Variants in CACNA1C observed in about 807,000 individuals in gnomAD.
CACNA1C encodes voltage-dependent L-type calcium channel subunit alpha-1C.
CACNA1C carries 30 observed loss-of-function variants against 229.0 expected under a neutral mutation model. The observed-to-expected ratio is 0.13, with a 90% CI of 0.10 to 0.18. The LOEUF is 0.18. Among genes scored for constraint, CACNA1C ranks in the 10% least tolerant of loss-of-function variants. CACNA1C has a pLI of 1.00. For missense variants in CACNA1C, 1,658 were observed against 2,845.0 expected, an observed-to-expected ratio of 0.58 and a Z score of 9.49; for synonymous variants, 1,114 against 1,132.5, an observed-to-expected ratio of 0.98 and a Z score of 0.33.
At position 2,021,950 on chromosome 12, in the gene CACNA1C, C is replaced by T. The variant is rs751372979; in HGVS notation, c.139+50749C>T. Among the ~76,000 whole-genome samples, 105 of 152,292 alleles carry T rather than the reference C, an allele frequency of 6.9e-4. 2 individuals carry two copies. Among genetic ancestry groups the T allele is most frequent in the Non-Finnish European group, 1.4e-3 (95 of 68,018 alleles). ...GTTTCGGGGGACACAGTCAGACTAT[C>T]GCAAGTACAGCAGGTCTTTGAATAC... On this transcript the variant is annotated intron_variant, in intron 1 of 46. Transcript: ENST00000682462.
At chr12:2,213,839 C>T (rs2059300546) in intron 3 of CACNA1C, among the ~76,000 whole-genome samples, 1 of 152,228 alleles carries the variant, frequency 6.6e-6, no homozygotes, top group Non-Finnish European at 1.5e-5. Context: ...TCGCACTGCC[C>T]CTCCTCCCGC....
At chr12:2,426,564 T>G (rs1438243813) in intron 3 of CACNA1C, among the ~76,000 whole-genome samples, 1 of 152,252 alleles carries the variant, frequency 6.6e-6, no homozygotes, top group Non-Finnish European at 1.5e-5. Flanking sequence ...GATATATCAG[T>G]TAGCTTGTGC....
chr12:2,568,508 T>C (rs2052520696), intron 13 of CACNA1C, among the ~76,000 whole-genome samples: 1 of 152,230 alleles, frequency 6.6e-6, no homozygotes, highest in South Asian at 2.1e-4. Flanking sequence ...AAGAGATATT[T>C]GCACACCCAA....
At chr12:2,396,843 T>C (rs2154549900) in intron 3 of CACNA1C, among the ~76,000 whole-genome samples, 1 of 152,356 alleles carries the variant, frequency 6.6e-6, no homozygotes, top group South Asian at 2.1e-4. Context: ...AAAACCAAAC[T>C]GTTGAAGGAT....
intron 1 of CACNA1C, among the ~76,000 whole-genome samples, chr12:2,090,364 C>T (rs1302486600): frequency 8.3e-6 from 1 of 120,004 alleles, no homozygotes; most frequent in Admixed American, 1.2e-4. Flanking sequence ...GTCACCCAGG[C>T]TGGAGTGCAG....
chr12:2,554,712 A>G (rs2043119024), intron 10 of CACNA1C, among the ~76,000 whole-genome samples: 3 of 152,158 alleles, frequency 2.0e-5, no homozygotes, highest in Admixed American at 1.3e-4. Context: ...AAGAGGTCCT[A>G]TCATTAACGC....
intron 3 of CACNA1C, among the ~76,000 whole-genome samples, chr12:2,435,173 C>T (rs1022214092): frequency 2.2e-4 from 34 of 152,272 alleles, no homozygotes; most frequent in Middle Eastern, 6.8e-3. Context: ...TGGAGGTCAC[C>T]GACCTTGACC....
intron 1 of CACNA1C, among the ~76,000 whole-genome samples, chr12:2,105,299 G>T (rs1285946626): frequency 3.9e-5 from 6 of 152,214 alleles, no homozygotes; most frequent in Non-Finnish European, 8.8e-5. Flanking sequence ...AGATACAGTT[G>T]TATTTGAGGG....
At chr12:2,062,585 T>G (rs2057885655) in intron 1 of CACNA1C, among the ~76,000 whole-genome samples, 1 of 152,230 alleles carries the variant, frequency 6.6e-6, no homozygotes, top group Non-Finnish European at 1.5e-5. Context: ...TCCTTGTTCT[T>G]ACTTGATGGC....
At chr12:2,469,156 GTA>G (rs1001906845) in intron 5 of CACNA1C, among the ~76,000 whole-genome samples, 1 of 152,040 alleles carries the variant, frequency 6.6e-6, no homozygotes, top group East Asian at 1.9e-4. Context: ...AAACTTGTTG[GTA>G]TATATATACA....
At position 2,511,928 on chromosome 12, in the gene CACNA1C, A is replaced by G. The variant is rs189405708; in HGVS notation, c.1218-884A>G. Among the ~76,000 whole-genome samples the G allele has an allele frequency of 4.6e-3, 696 of 152,260 alleles. 8 individuals carry two copies. The highest frequency in any genetic ancestry group is 0.016 in the African/African-American group (663 of 41,544). On this transcript the variant is annotated intron_variant, in intron 8 of 46. Transcript: ENST00000399655. ...AAATGCATCATTTAACTTTTATATC[A>G]TCTTGATTTTATGTATTTTTCTATT...
intron 3 of CACNA1C, among the ~76,000 whole-genome samples, chr12:2,163,518 C>T (rs1310780324): frequency 6.6e-6 from 1 of 152,122 alleles, no homozygotes; most frequent in Non-Finnish European, 1.5e-5. Context: ...ACTTTTCTTA[C>T]CACCCCCTGG....
chr12:1,982,258 T>C (rs887463385), intron 1 of CACNA1C, among the ~76,000 whole-genome samples: 3 of 152,188 alleles, frequency 2.0e-5, no homozygotes, highest in African/African-American at 4.8e-5. Flanking sequence ...GTTTAAAATA[T>C]GCAGTTCAGT....
intron 4 of CACNA1C, among the ~76,000 whole-genome samples, chr12:2,449,540 T>C (rs1240930449): frequency 6.6e-6 from 1 of 152,182 alleles, no homozygotes; most frequent in African/African-American, 2.4e-5. Flanking sequence ...TTATCTCTTT[T>C]CAATTTGGTC....
rs1006701077 is a variant in CACNA1C at position 2,082,847 on chromosome 12, CAA to C, written c.49+29237_49+29238del. Among the ~76,000 whole-genome samples the C allele has an allele frequency of 1.9e-4, 29 of 152,196 alleles. 1 individual carries two copies. The highest frequency in any genetic ancestry group is 7.3e-5 in the Non-Finnish European group (5 of 68,038). On this transcript the variant is annotated intron_variant, in intron 1 of 46. Coordinates refer to ENST00000399655, the MANE Select transcript of CACNA1C (RefSeq NM_000719.7). ...TTTCAACAAAACGCCTATCTCTGCT[CAA>C]GTCTACTTTATATCGTATATTTATA...
intron 3 of CACNA1C, among the ~76,000 whole-genome samples, chr12:2,249,009 T>C (rs2074472551): frequency 3.9e-5 from 6 of 152,200 alleles, no homozygotes; most frequent in Admixed American, 3.9e-4. Context: ...TGGCCATGCT[T>C]GACTGGCACC....
chr12:2,679,421 C>T lies in CACNA1C; in HGVS notation c.5092-23C>T. ...AGTGGGTGCTAAGGGGCTTCTCCAC[C>T]CACCCCTCCTTCTTGCCTACAGAGG... is the stretch of plus-strand genomic sequence containing the variant. On this transcript the variant is annotated intron_variant, in intron 41 of 46. Coordinates refer to ENST00000399655, the MANE Select transcript of CACNA1C (RefSeq NM_000719.7). The surrounding 1 kb of genome is among the most constrained non-coding windows in gnomAD (Gnocchi z 5.5). 1 of 1,488,504 alleles carries T rather than the reference C, an allele frequency of 6.7e-7. No homozygotes were observed. Among genetic ancestry groups the T allele is most frequent in the Non-Finnish European group, 9.0e-7 (1 of 1,108,358 alleles). The allele number at this position is 1,488,504 out of a possible 1,614,324, so 92.2% of individuals were successfully genotyped here.
chr12:2,268,356 C>T (rs759913552), intron 3 of CACNA1C, among the ~76,000 whole-genome samples: 8 of 152,320 alleles, frequency 5.3e-5, no homozygotes, highest in East Asian at 1.9e-4. Flanking sequence ...TTGAACCACA[C>T]GGGGCTCTGG....
intron 1 of CACNA1C, among the ~76,000 whole-genome samples, chr12:1,995,850 T>G (rs2040668485): frequency 2.6e-5 from 4 of 152,282 alleles, no homozygotes; most frequent in Admixed American, 2.0e-4. Context: ...ACCAAATTAC[T>G]TCAGACAACT....
Sources: gnomAD v4.1 joint callset for allele counts (sites outside exome capture counted in the v4.1 genomes callset) on GRCh38, gnomAD v4.1.1 for gene constraint, Gnocchi (gnomAD v3.1) non-coding constraint, MANE v1.5 for transcripts, NCBI Gene and HGNC (gene_info 2026-07-23, HGNC 2026-07-21) for gene names.